Variants in SUGCT observed in about 807,000 individuals in gnomAD.
SUGCT encodes succinyl-CoA:glutarate CoA-transferase.
Under a neutral mutation model 55.0 loss-of-function variants are expected in SUGCT, and 41 were observed. The ratio of observed to expected loss-of-function variants is 0.74; its 90% CI spans 0.58 to 0.97. The LOEUF is 0.97. Among genes scored for constraint, SUGCT ranks in the 50% least tolerant of loss-of-function variants. The pLI is 0.00. For synonymous variants in SUGCT, 187 were observed against 200.4 expected (o/e 0.93, Z 0.56); for missense variants, 568 against 547.8 (o/e 1.04, Z -0.37).
At chr7:40,411,245 T>C (rs1786667578) in intron 9 of SUGCT, among the ~76,000 whole-genome samples, 2 of 151,982 alleles carry the variant, frequency 1.3e-5, no homozygotes, top group South Asian at 4.2e-4. Context: ...ATCCAAAAAT[T>C]AGTTGATCAT....
At position 40,150,103 on chromosome 7, in the gene SUGCT, T is replaced by A. The variant is rs1315734644; in HGVS notation, c.100+14983T>A. 1.1e-4 allele frequency among the ~76,000 whole-genome samples: 17 copies of A among 151,872 alleles called. 2 individuals carry two copies. The highest frequency in any genetic ancestry group is 1.1e-3 in the Admixed American group (17 of 15,252). ...TGAGACCCTGCCTCAAAAAAATAAT[T>A]ATGGTTTAGGAGTCATGCGGCCGGA... On this transcript the variant is annotated intron_variant, in intron 1 of 13. Coordinates refer to ENST00000335693, the MANE Select transcript of SUGCT (RefSeq NM_001193313.2).
the SUGCT span, among the ~76,000 whole-genome samples, chr7:40,883,829 A>G: frequency 6.6e-6 from 1 of 152,154 alleles, no homozygotes; most frequent in Non-Finnish European, 1.5e-5. Context: ...ACATCAGTCA[A>G]TCCTGGTCTA....
chr7:40,368,452 C>G (rs1000635574), intron 9 of SUGCT, among the ~76,000 whole-genome samples: 1 of 152,088 alleles, frequency 6.6e-6, no homozygotes, highest in Admixed American at 6.6e-5. Flanking sequence ...CCTCCTTGCC[C>G]TCCCAAAGTG....
chr7:40,454,462 G>A (rs1446431015), intron 10 of SUGCT, among the ~76,000 whole-genome samples: 1 of 152,120 alleles, frequency 6.6e-6, no homozygotes, highest in Non-Finnish European at 1.5e-5. Context: ...CACAAACCTA[G>A]ATGGTATAGC....
the SUGCT span, among the ~76,000 whole-genome samples, chr7:40,969,954 G>A: frequency 6.6e-6 from 1 of 152,176 alleles, no homozygotes. Context: ...ACATTTCCAA[G>A]GTGGCAGGAG....
chr7:40,520,296 G>A (rs187230544), intron 12 of SUGCT, among the ~76,000 whole-genome samples: 1 of 152,096 alleles, frequency 6.6e-6, no homozygotes, highest in African/African-American at 2.4e-5. Context: ...GATGGGACAG[G>A]TTAAATAAAT....
chr7:40,373,049 A>G (rs191625627), intron 9 of SUGCT, among the ~76,000 whole-genome samples: 11 of 152,112 alleles, frequency 7.2e-5, no homozygotes, highest in Admixed American at 5.9e-4. Flanking sequence ...ATTGTGTATC[A>G]TAGTAGTAAT....
chr7:40,985,416 C>T, the SUGCT span, among the ~76,000 whole-genome samples: 1 of 152,056 alleles, frequency 6.6e-6, no homozygotes, highest in African/African-American at 2.4e-5. Flanking sequence ...ATGGAAATGA[C>T]ACGACTTGAG....
chr7:40,438,509 G>T (rs370654137), intron 9 of SUGCT, among the ~76,000 whole-genome samples: 2 of 152,100 alleles, frequency 1.3e-5, no homozygotes, highest in African/African-American at 2.4e-5. Flanking sequence ...GAATTTTGTT[G>T]TGCCAGAATT....
intron 12 of SUGCT, among the ~76,000 whole-genome samples, chr7:40,664,273 G>C (rs1346522598): frequency 6.6e-6 from 1 of 152,216 alleles, no homozygotes; most frequent in African/African-American, 2.4e-5. Flanking sequence ...TGTAGTTTAA[G>C]AAAATCTCCA....
chr7:40,304,152 A>T (rs4307231), intron 8 of SUGCT, among the ~76,000 whole-genome samples: 1 of 152,182 alleles, frequency 6.6e-6, no homozygotes, highest in African/African-American at 2.4e-5. Context: ...TGACAAATAG[A>T]GAATTGGAGA....
intron 12 of SUGCT, among the ~76,000 whole-genome samples, chr7:40,666,355 A>AAAGGGAGGAAGG (rs1801631639): frequency 8.2e-6 from 1 of 121,812 alleles, no homozygotes; most frequent in Non-Finnish European, 1.6e-5. Context: ...CTCAAGAAAG[A>AAAGGGAGGAAGG]AAGGAAGGAA....
At chr7:40,831,831 T>G (rs2128778712) in intron 13 of SUGCT, among the ~76,000 whole-genome samples, 1 of 152,292 alleles carries the variant, frequency 6.6e-6, no homozygotes, top group South Asian at 2.1e-4. Context: ...GCCTGTAGTG[T>G]GATGAAGGCT....
chr7:40,633,358 A>G (rs567893259), intron 12 of SUGCT, among the ~76,000 whole-genome samples: 2 of 152,312 alleles, frequency 1.3e-5, no homozygotes, highest in African/African-American at 4.8e-5. Flanking sequence ...ATAAACATTC[A>G]CTGATATATC....
At chr7:40,671,141 A>T (rs1801917413) in intron 12 of SUGCT, among the ~76,000 whole-genome samples, 1 of 152,162 alleles carries the variant, frequency 6.6e-6, no homozygotes, top group Non-Finnish European at 1.5e-5. Flanking sequence ...ATTGTGTGAA[A>T]CCCGTATATC....
At chr7:40,561,970 A>T (rs1795865669) in intron 12 of SUGCT, among the ~76,000 whole-genome samples, 1 of 148,910 alleles carries the variant, frequency 6.7e-6, no homozygotes, top group Non-Finnish European at 1.5e-5. Context: ...AATTACAGGC[A>T]TGAGCCACTG....
In SUGCT at chr7:40,731,251, A is replaced by T. The variant is rs144933721; in HGVS notation, c.1090-18183A>T. On this transcript the variant is annotated intron_variant, in intron 12 of 13. Coordinates refer to ENST00000335693, the MANE Select transcript of SUGCT (RefSeq NM_001193313.2). Reference sequence around the variant, plus strand: ...TCTTAACGAGGCTACATGGTCGAACATAATAGTCCAGTTTTTAAAAGTGCA... The same window carrying T: ...TCTTAACGAGGCTACATGGTCGAACTTAATAGTCCAGTTTTTAAAAGTGCA... Among the ~76,000 whole-genome samples the T allele has an allele frequency of 1.7e-4, 26 of 152,338 alleles. No homozygotes were observed. In the East Asian group the frequency reaches 4.6e-3, roughly 27 times the overall value.
chr7:40,610,702 A>G (rs2151770121), intron 12 of SUGCT, among the ~76,000 whole-genome samples: 1 of 152,280 alleles, frequency 6.6e-6, no homozygotes, highest in East Asian at 1.9e-4. Flanking sequence ...GGGTGTTCTG[A>G]GAAGAAACCA....
intron 8 of SUGCT, among the ~76,000 whole-genome samples, chr7:40,290,112 A>G (rs1184732370): frequency 2.0e-5 from 3 of 152,102 alleles, no homozygotes; most frequent in Non-Finnish European, 2.9e-5. Flanking sequence ...TGCCATCCCC[A>G]TCAAGCTACC....
Sources: allele counts gnomAD v4.1 joint callset (sites outside exome capture counted in the v4.1 genomes callset), GRCh38; gene constraint gnomAD v4.1.1; transcripts MANE v1.5; gene names NCBI Gene and HGNC (gene_info 2026-07-23, HGNC 2026-07-21).